EPHB2: variants seen among roughly 807,000 people sequenced by gnomAD.
The protein encoded by EPHB2 is ephrin type-B receptor 2.
Under a neutral mutation model 96.4 loss-of-function variants are expected in EPHB2, and 18 were observed. That is an observed-to-expected ratio of 0.19 (90% CI 0.13 to 0.28). The LOEUF is 0.28. EPHB2 is among the 10% of genes least tolerant of loss of function. The pLI, the probability that EPHB2 is intolerant of heterozygous loss-of-function variation, is 1.00. For missense variants in EPHB2, 989 were observed against 1,355.4 expected, an observed-to-expected ratio of 0.73 and a Z score of 4.25; for synonymous variants, 506 against 534.1, an observed-to-expected ratio of 0.95 and a Z score of 0.72.
intron 1 of EPHB2, among the ~76,000 whole-genome samples, chr1:22,773,652 C>T (rs2148409140): frequency 6.6e-6 from 1 of 152,324 alleles, no homozygotes; most frequent in South Asian, 2.1e-4. Flanking sequence ...CAGAGCAGAC[C>T]ACATCACTAC....
intron 9 of EPHB2, among the ~76,000 whole-genome samples, chr1:22,902,725 G>A (rs1159976824): frequency 6.6e-6 from 1 of 152,216 alleles, no homozygotes; most frequent in Non-Finnish European, 1.5e-5. Context: ...CTCACGGGCA[G>A]CAGAGTCTTC....
intron 5 of EPHB2, among the ~76,000 whole-genome samples, chr1:22,867,814 A>G (rs2148531430): frequency 1.3e-5 from 2 of 152,280 alleles, no homozygotes; most frequent in Admixed American, 1.3e-4. Context: ...AGAGCTTGCA[A>G]TGAGCTGAGA....
intron 3 of EPHB2, among the ~76,000 whole-genome samples, chr1:22,800,586 A>T (rs1391672818): frequency 6.6e-6 from 1 of 152,206 alleles, no homozygotes; most frequent in South Asian, 2.1e-4. Flanking sequence ...CCACCCACTC[A>T]CAGGGAAATC....
chr1:22,895,671 C>T (rs1639536093), intron 8 of EPHB2, 91 bp downstream of exon 8: 4 of 1,209,596 alleles, frequency 3.3e-6, no homozygotes, highest in East Asian at 2.4e-5. Flanking sequence ...GCTGGTGAAC[C>T]GAGGAGGCAT....
At chr1:22,803,760 T>TAA (rs1400333049) in intron 3 of EPHB2, among the ~76,000 whole-genome samples, 4 of 148,312 alleles carry the variant, frequency 2.7e-5, no homozygotes, top group East Asian at 3.9e-4. Context: ...TATATATATA[T>TAA]AAATTAGCTG....
chr1:22,912,638 C>T (rs1299788933), intron 15 of EPHB2, 39 bp downstream of exon 15: 1 of 1,610,044 alleles, frequency 6.2e-7, no homozygotes. Flanking sequence ...CCTTAGCACC[C>T]CCTCTCCACC....
chr1:22,859,907 T>C (rs1490540196), intron 3 of EPHB2, among the ~76,000 whole-genome samples: 1 of 152,158 alleles, frequency 6.6e-6, no homozygotes, highest in Non-Finnish European at 1.5e-5. Context: ...GAAGCCCTGT[T>C]CCCCATTAGC....
chr1:22,878,759 G>A (rs1638929280), intron 5 of EPHB2, among the ~76,000 whole-genome samples: 2 of 152,188 alleles, frequency 1.3e-5, no homozygotes, highest in African/African-American at 4.8e-5. Flanking sequence ...CCACCCTCAG[G>A]GCTCCCCACC....
chr1:22,833,943 A>G (rs900251904), intron 3 of EPHB2, among the ~76,000 whole-genome samples: 7 of 152,166 alleles, frequency 4.6e-5, no homozygotes, highest in African/African-American at 1.7e-4. Flanking sequence ...GATACATTTC[A>G]GAGGATAAAA....
At position 22,921,275 on chromosome 1, in the gene EPHB2, A is replaced by G. The variant is rs1640390751; in HGVS notation, c.*7705A>G. On this transcript the variant is annotated 3_prime_UTR_variant, in exon 16 of 16. Coordinates refer to ENST00000374630, the MANE Select transcript of EPHB2 (RefSeq NM_017449.5). ...TCCCAGAACCCTGTTTCCTGTGGTC[A>G]TAAATATGGGTTTTCCTGACAATGT... The G allele has an allele frequency of 1.3e-5, 2 of 152,320 alleles. No homozygotes were observed. The highest frequency in any genetic ancestry group is 4.1e-4 in the South Asian group (2 of 4,830). 9.4% of individuals were successfully genotyped at this position (152,320 alleles called of 1,614,324 possible). A position where few individuals can be genotyped will look rare whatever the true frequency, so the allele number is the denominator to read the frequency against.
chr1:22,778,608 G>A (rs931227079), intron 1 of EPHB2, among the ~76,000 whole-genome samples: 2 of 152,182 alleles, frequency 1.3e-5, no homozygotes, highest in Non-Finnish European at 2.9e-5. Context: ...AGGAGATGCC[G>A]GCCCTCTACC....
At chr1:22,895,387 C>T (rs1639523999) in intron 7 of EPHB2, 85 bp from the exon 8 acceptor site, 1 of 1,299,874 alleles carries the variant, frequency 7.7e-7, no homozygotes, top group South Asian at 1.2e-5. Context: ...CCCAGGAGAC[C>T]CAGCAGCATG....
chr1:22,780,276 C>G (rs1009295104), intron 1 of EPHB2, among the ~76,000 whole-genome samples: 3 of 152,184 alleles, frequency 2.0e-5, no homozygotes, highest in Admixed American at 6.5e-5. Context: ...TCTTCTTCCC[C>G]CTAGGCCACA....
At position 22,858,737 on chromosome 1, in the gene EPHB2, C is replaced by T. The variant is rs928873131; in HGVS notation, c.812-4300C>T. ...GCTGATGGGAGCTGAGGCCCCAGTG[C>T]ACCCCACAGTCACACAGTAGACTTG... is the stretch of plus-strand genomic sequence containing the variant. On this transcript the variant is annotated intron_variant, in intron 3 of 15. Transcript: ENST00000374630. This position sits in a 1 kb window ranked among gnomAD's most constrained non-coding sequence, Gnocchi z 7.7. Among the ~76,000 whole-genome samples the T allele has an allele frequency of 1.3e-5, 2 of 152,176 alleles. No individual in the cohort carries two copies. The highest frequency in any genetic ancestry group is 2.9e-5 in the Non-Finnish European group (2 of 68,028).
intron 1 of EPHB2, among the ~76,000 whole-genome samples, chr1:22,742,895 T>C (rs1264009384): frequency 7.1e-6 from 1 of 140,866 alleles, no homozygotes; most frequent in Non-Finnish European, 1.6e-5. Flanking sequence ...ATTATGAACT[T>C]TTTTTTTTTT....
intron 1 of EPHB2, among the ~76,000 whole-genome samples, chr1:22,760,727 G>C (rs1220791865): frequency 6.6e-6 from 1 of 152,150 alleles, no homozygotes; most frequent in African/African-American, 2.4e-5. Flanking sequence ...CTCTGCTGCT[G>C]TAACCCATTT....
At chr1:22,892,726 A>G in intron 6 of EPHB2, 158 bp from the exon 7 acceptor site, 3 of 947,842 alleles carry the variant, frequency 3.2e-6, no homozygotes, top group Non-Finnish European at 5.2e-6. Context: ...TAACATGGCA[A>G]AAGGCATAAT....
intron 3 of EPHB2, among the ~76,000 whole-genome samples, chr1:22,789,981 G>A (rs1286520160): frequency 6.6e-6 from 1 of 152,098 alleles, no homozygotes; most frequent in African/African-American, 2.4e-5. Context: ...AGACACCCAG[G>A]GAACGAGGCA....
At chr1:22,852,986 G>A (rs894814124) in intron 3 of EPHB2, among the ~76,000 whole-genome samples, 1 of 152,238 alleles carries the variant, frequency 6.6e-6, no homozygotes, top group Non-Finnish European at 1.5e-5. Flanking sequence ...TCCAGGAGGA[G>A]CTCAGAGGAT....
Sources: allele counts gnomAD v4.1 joint callset (sites outside exome capture counted in the v4.1 genomes callset), GRCh38; gene constraint gnomAD v4.1.1; non-coding constraint Gnocchi (gnomAD v3.1); transcripts MANE v1.5; gene names NCBI Gene and HGNC (gene_info 2026-07-23, HGNC 2026-07-21).